The following UPP2 variants were observed in gnomAD, a reference collection of about 807,000 sequenced individuals.
The protein encoded by UPP2 is uridine phosphorylase 2, also known as UPase 2.
A neutral mutation model predicts 26.7 loss-of-function variants in UPP2; 23 were observed. That is an observed-to-expected ratio of 0.86 (90% CI 0.62 to 1.22). UPP2 has a LOEUF of 1.22. UPP2 is among the 50% of genes most tolerant of loss of function. The pLI, the probability that UPP2 is intolerant of heterozygous loss-of-function variation, is 0.00. For synonymous variants in UPP2, 127 were observed against 141.3 expected, an observed-to-expected ratio of 0.90 and a Z score of 0.72; for missense variants, 387 against 396.7, an observed-to-expected ratio of 0.98 and a Z score of 0.21.
intron 3 of UPP2, among the ~76,000 whole-genome samples, chr2:158,066,791 T>C (rs570271180): frequency 1.1e-3 from 166 of 152,256 alleles, no homozygotes; most frequent in African/African-American, 3.8e-3. Context: ...TCATTTAATG[T>C]TTGCAATCTG....
At chr2:158,034,310 G>A (rs974369651) in intron 3 of UPP2, among the ~76,000 whole-genome samples, 2 of 152,162 alleles carry the variant, frequency 1.3e-5, no homozygotes, top group African/African-American at 2.4e-5. Flanking sequence ...ACAGCACTCC[G>A]CAGGGCAGGG....
chr2:158,111,963 A>C (rs995401301), intron 2 of UPP2, among the ~76,000 whole-genome samples: 1 of 152,172 alleles, frequency 6.6e-6, no homozygotes, highest in Non-Finnish European at 1.5e-5. Flanking sequence ...TGAAAGCTCT[A>C]AGTAAATGGG....
intron 2 of UPP2, among the ~76,000 whole-genome samples, chr2:158,011,438 C>G (rs1184363959): frequency 6.6e-6 from 1 of 152,074 alleles, no homozygotes; most frequent in African/African-American, 2.4e-5. Flanking sequence ...TCATGGCTCT[C>G]TAACTGGAGA....
intron 6 of UPP2, among the ~76,000 whole-genome samples, chr2:158,124,628 G>A (rs999392144): frequency 3.9e-5 from 6 of 152,236 alleles, no homozygotes; most frequent in Non-Finnish European, 4.4e-5. Context: ...GGCGAACGCA[G>A]TAGTCTAGTG....
intron 3 of UPP2, among the ~76,000 whole-genome samples, chr2:158,083,546 G>T (rs931024509): frequency 7.2e-5 from 11 of 151,916 alleles, no homozygotes; most frequent in Non-Finnish European, 1.5e-4. Context: ...CACACACCAG[G>T]GCCCGTTGGG....
At chr2:158,007,038 A>C (rs974784322) in intron 2 of UPP2, among the ~76,000 whole-genome samples, 10 of 152,192 alleles carry the variant, frequency 6.6e-5, no homozygotes, top group Non-Finnish European at 1.5e-4. Context: ...TGACTCTGTG[A>C]GGTACCCATT....
chr2:158,079,232 G>A (rs971142971), intron 3 of UPP2, among the ~76,000 whole-genome samples: 1 of 151,878 alleles, frequency 6.6e-6, no homozygotes, highest in Non-Finnish European at 1.5e-5. Flanking sequence ...CATGAGAACG[G>A]ACTAACACAT....
chr2:158,058,373 GCTCTCTCTCT>G (rs869246675), intron 3 of UPP2, among the ~76,000 whole-genome samples: 5 of 37,600 alleles, frequency 1.3e-4, no homozygotes, highest in South Asian at 6.3e-4. Context: ...ATGCTTGTAT[GCTCTCTCTCT>G]CTCTCTCTCT....
At chr2:158,020,331 T>C in intron 3 of UPP2, among the ~76,000 whole-genome samples, 1 of 152,124 alleles carries the variant, frequency 6.6e-6, no homozygotes, top group East Asian at 1.9e-4. Flanking sequence ...TTCAGAAGGT[T>C]TGGTATGAGG....
chr2:158,129,773 G>GTT (rs140812119), intron 6 of UPP2, among the ~76,000 whole-genome samples: 1,713 of 145,414 alleles, frequency 0.012, 31 homozygotes, highest in African/African-American at 0.041. Flanking sequence ...TTTTTTGTTT[G>GTT]TTTTTTTTTT....
At chr2:158,032,409 A>G (rs1021160111) in intron 3 of UPP2, among the ~76,000 whole-genome samples, 1 of 152,130 alleles carries the variant, frequency 6.6e-6, no homozygotes, top group Non-Finnish European at 1.5e-5. Context: ...GGTATATGAC[A>G]AAGAGCTTAC....
chr2:158,092,392 A>T (rs1315026056), intron 3 of UPP2, among the ~76,000 whole-genome samples: 3 of 152,238 alleles, frequency 2.0e-5, no homozygotes, highest in Non-Finnish European at 4.4e-5. Context: ...GCAGATGAAA[A>T]CAAACTTTTC....
intron 3 of UPP2, among the ~76,000 whole-genome samples, chr2:158,083,759 T>C (rs1462346889): frequency 6.6e-6 from 1 of 151,082 alleles, no homozygotes; most frequent in Non-Finnish European, 1.5e-5. Context: ...AATACCATTA[T>C]TTCATCCTTT....
At chr2:158,023,904 C>A (rs1683794703) in intron 3 of UPP2, among the ~76,000 whole-genome samples, 1 of 152,150 alleles carries the variant, frequency 6.6e-6, no homozygotes, top group African/African-American at 2.4e-5. Context: ...GTCTCTTGAG[C>A]TCTCTTCAGC....
intron 2 of UPP2, among the ~76,000 whole-genome samples, chr2:158,013,210 G>A (rs889935504): frequency 2.0e-5 from 3 of 152,054 alleles, no homozygotes; most frequent in Non-Finnish European, 4.4e-5. Context: ...TGCACAGGCT[G>A]GTCTCAAACT....
At chr2:158,009,338 C>T (rs549692965) in intron 2 of UPP2, among the ~76,000 whole-genome samples, 1 of 152,134 alleles carries the variant, frequency 6.6e-6, no homozygotes, top group Non-Finnish European at 1.5e-5. Flanking sequence ...AGCAGATTTG[C>T]TTAAATGTCG....
chr2:158,013,902 T>G (rs1683618597), intron 2 of UPP2, among the ~76,000 whole-genome samples: 1 of 152,204 alleles, frequency 6.6e-6, no homozygotes, highest in Admixed American at 6.5e-5. Flanking sequence ...GACAGGGACT[T>G]CCCAAGAGAC....
chr2:158,027,647 C>A (rs188692297), intron 3 of UPP2, among the ~76,000 whole-genome samples: 5 of 152,142 alleles, frequency 3.3e-5, no homozygotes, highest in Non-Finnish European at 5.9e-5. Context: ...CTCCACTAGA[C>A]GGTACCCCAG....
chr2:158,028,568 C>T (rs1030918189), intron 3 of UPP2, among the ~76,000 whole-genome samples: 3 of 152,192 alleles, frequency 2.0e-5, no homozygotes, highest in Admixed American at 1.3e-4. Context: ...CCAATCTGTT[C>T]CAACCTCTGC....
Sources: allele counts gnomAD v4.1 joint callset (sites outside exome capture counted in the v4.1 genomes callset), GRCh38; gene constraint gnomAD v4.1.1; transcripts MANE v1.5; gene names NCBI Gene and HGNC (gene_info 2026-07-23, HGNC 2026-07-21).